Variants in CALD1 observed in about 807,000 individuals in gnomAD.
CALD1 encodes caldesmon.
A neutral mutation model predicts 99.9 loss-of-function variants in CALD1; 33 were observed. The observed-to-expected ratio is 0.33, with a 90% CI of 0.25 to 0.44. The LOEUF (loss-of-function observed/expected upper bound fraction) is 0.44, where lower values mean the gene tolerates loss of function less well. Ranked by LOEUF, CALD1 falls within the 20% of genes least tolerant of loss-of-function variation. The pLI is 1.00. For synonymous variants in CALD1, 310 were observed against 325.0 expected (o/e 0.95, Z 0.50); for missense variants, 861 against 962.1 (o/e 0.89, Z 1.39).
At chr7:134,869,588 A>G (rs2132334087) in intron 3 of CALD1, among the ~76,000 whole-genome samples, 1 of 152,326 alleles carries the variant, frequency 6.6e-6, no homozygotes, top group South Asian at 2.1e-4. Context: ...TATACATCTG[A>G]GGAGCTGGAA....
At chr7:134,713,577 A>T in the CALD1 span, among the ~76,000 whole-genome samples, 1 of 152,192 alleles carries the variant, frequency 6.6e-6, no homozygotes, top group Non-Finnish European at 1.5e-5. Flanking sequence ...ACATTTTTTT[A>T]AATTGAATTA....
chr7:134,760,679 A>T (rs978740206), intron 1 of CALD1, among the ~76,000 whole-genome samples: 3 of 152,250 alleles, frequency 2.0e-5, no homozygotes, highest in Non-Finnish European at 2.9e-5. Context: ...TATGCATATG[A>T]AGTAATACTT....
intron 2 of CALD1, among the ~76,000 whole-genome samples, chr7:134,854,591 G>A (rs1800220613): frequency 6.6e-6 from 1 of 152,114 alleles, no homozygotes; most frequent in South Asian, 2.1e-4. Flanking sequence ...GGTCACGGCG[G>A]GATGGGCTAA....
chr7:134,853,357 G>GA (rs1479125872), intron 2 of CALD1, among the ~76,000 whole-genome samples: 2 of 152,116 alleles, frequency 1.3e-5, no homozygotes, highest in Non-Finnish European at 2.9e-5. Context: ...TTAATTTGTT[G>GA]AATGAATACA....
At chr7:134,754,397 C>A (rs1451663422) in intron 1 of CALD1, among the ~76,000 whole-genome samples, 1 of 152,072 alleles carries the variant, frequency 6.6e-6, no homozygotes. Flanking sequence ...TTTTTAATAC[C>A]ACCCTTGTCT....
At chr7:134,952,875 A>G (rs767711516) in intron 9 of CALD1, among the ~76,000 whole-genome samples, 1 of 152,220 alleles carries the variant, frequency 6.6e-6, no homozygotes, top group East Asian at 1.9e-4. Context: ...GGGAAAATTT[A>G]AACTAAGCCA....
chr7:134,716,944 A>G, the CALD1 span, among the ~76,000 whole-genome samples: 1 of 152,228 alleles, frequency 6.6e-6, no homozygotes, highest in African/African-American at 2.4e-5. Flanking sequence ...TTACCATACT[A>G]TCTCTCAAAT....
intron 1 of CALD1, among the ~76,000 whole-genome samples, chr7:134,780,656 T>G (rs190868666): frequency 1.5e-3 from 231 of 152,264 alleles, no homozygotes; most frequent in South Asian, 5.4e-3. Context: ...GGAATTCCTT[T>G]TAGAAAGAGC....
chr7:134,896,432 T>G (rs900021293), intron 3 of CALD1, among the ~76,000 whole-genome samples: 1 of 152,204 alleles, frequency 6.6e-6, no homozygotes, highest in South Asian at 2.1e-4. Flanking sequence ...CTACTGCTGT[T>G]TATAGATTAA....
At chr7:134,836,737 T>C (rs555948559) in intron 1 of CALD1, among the ~76,000 whole-genome samples, 16 of 152,318 alleles carry the variant, frequency 1.1e-4, no homozygotes, top group African/African-American at 3.8e-4. Context: ...CAAACGACTT[T>C]CTCTTTCCTA....
At chr7:134,736,118 G>A in the CALD1 span, among the ~76,000 whole-genome samples, 1 of 152,186 alleles carries the variant, frequency 6.6e-6, no homozygotes, top group South Asian at 2.1e-4. Flanking sequence ...GGGAATGTAA[G>A]CCTTTCTCCT....
chr7:134,930,838 C>T (rs1295231700), intron 4 of CALD1, among the ~76,000 whole-genome samples: 1 of 152,172 alleles, frequency 6.6e-6, no homozygotes, highest in Admixed American at 6.5e-5. Flanking sequence ...TTACCAGATT[C>T]TTAACACGGG....
chr7:134,898,981 T>C (rs1423397262), intron 3 of CALD1, among the ~76,000 whole-genome samples: 1 of 152,236 alleles, frequency 6.6e-6, no homozygotes, highest in Non-Finnish European at 1.5e-5. Flanking sequence ...TTATAAACAC[T>C]AATTTCTACT....
intron 3 of CALD1, among the ~76,000 whole-genome samples, chr7:134,919,745 A>C (rs930435155): frequency 2.6e-5 from 4 of 152,198 alleles, no homozygotes; most frequent in Non-Finnish European, 5.9e-5. Context: ...AAAAGGCACA[A>C]CACTGATACA....
upstream of CALD1, chr7:134,779,611 T>A (rs139376675): frequency 1.0e-4 from 41 of 398,602 alleles, no homozygotes; most frequent in Admixed American, 7.9e-4. Flanking sequence ...GGAAGGGCGG[T>A]CTGGAGTTTT....
chr7:134,732,632 C>A, the CALD1 span, among the ~76,000 whole-genome samples: 1 of 152,146 alleles, frequency 6.6e-6, no homozygotes, highest in Non-Finnish European at 1.5e-5. Context: ...TATAAATTAC[C>A]AAATCTAAGA....
chr7:134,849,035 T>A (rs577992694), intron 2 of CALD1, among the ~76,000 whole-genome samples: 90 of 152,366 alleles, frequency 5.9e-4, no homozygotes, highest in South Asian at 1.4e-3. Context: ...GGCTTTTTTT[T>A]AATTAAATGC....
chr7:134,877,501 G>A (rs1475778274), intron 3 of CALD1, among the ~76,000 whole-genome samples: 1 of 152,152 alleles, frequency 6.6e-6, no homozygotes, highest in African/African-American at 2.4e-5. Context: ...GTGTATGTAT[G>A]TATATAATTT....
At chr7:134,830,924 T>A (rs1799192442) in intron 1 of CALD1, among the ~76,000 whole-genome samples, 1 of 152,208 alleles carries the variant, frequency 6.6e-6, no homozygotes, top group Non-Finnish European at 1.5e-5. Context: ...AAGAAAATTA[T>A]GATCAGTTTG....
Sources: allele counts gnomAD v4.1 joint callset (sites outside exome capture counted in the v4.1 genomes callset), GRCh38; gene constraint gnomAD v4.1.1; transcripts MANE v1.5; gene names NCBI Gene and HGNC (gene_info 2026-07-23, HGNC 2026-07-21).